CHTF8: variants seen among roughly 807,000 people sequenced by gnomAD.
CHTF8 encodes the protein chromosome transmission fidelity factor 8.
A neutral mutation model predicts 11.0 loss-of-function variants in CHTF8; 6 were observed. The observed-to-expected ratio is 0.55, with a 90% CI of 0.30 to 1.08. The LOEUF is 1.08. CHTF8 is among the 50% of genes least tolerant of loss of function. CHTF8 has a pLI of 0.07. For missense variants in CHTF8, 140 were observed against 153.1 expected (o/e 0.91, Z 0.45); for synonymous variants, 53 against 60.5 (o/e 0.88, Z 0.57).
At position 69,121,081 on chromosome 16, in the gene CHTF8, A is replaced by C. The variant is rs759329610; in HGVS notation, c.113T>G (p.Leu38Arg). 1 of 1,614,072 alleles carries C rather than the reference A, an allele frequency of 6.2e-7. No individual in the cohort carries two copies. The highest frequency in any genetic ancestry group is 8.5e-7 in the Non-Finnish European group (1 of 1,179,998). Reference sequence around the variant, plus strand: ...AGTGGTGTAATGTAGGTCTCCCAGGAGGTTTCCAGCTAATCCAGTGCTGTA... The same window carrying C: ...AGTGGTGTAATGTAGGTCTCCCAGGCGGTTTCCAGCTAATCCAGTGCTGTA... Reference protein sequence around the residue: ...ARYSTGLAGNLLGDLHYTTEG... With the variant: ...ARYSTGLAGNRLGDLHYTTEG... The change falls in exon 3 of 4, where the codon CTC (leucine) becomes CGC (arginine). Residue 38 changes from leucine (L) to arginine (R), a missense_variant. Coordinates refer to ENST00000448552, the MANE Select transcript of CHTF8 (RefSeq NM_001039690.5).
chr16:69,118,147 ATTCCCATCC>A lies in CHTF8; in HGVS notation c.*2269_*2277del. ...CCCCCACCCCCACCCTAATTCCCAT[ATTCCCATCC>A]ACATCAGTTTAAATTTTGAGGTTCT... On this transcript the variant is annotated 3_prime_UTR_variant, in exon 4 of 4. Transcript: ENST00000448552. 1 of 489,840 alleles carries A rather than the reference ATTCCCATCC, an allele frequency of 2.0e-6. No individual in the cohort carries two copies. The highest frequency in any genetic ancestry group is 3.6e-6 in the Non-Finnish European group (1 of 276,190). The allele number at this position is 489,840 out of a possible 1,614,324, so 30.3% of individuals were successfully genotyped here.
In CHTF8 at chr16:69,120,614, C is replaced by G; in HGVS notation, c.177G>C (p.Leu59=). The change falls in exon 4 of 4, where the codon CTG becomes CTC. Residue 59 remains leucine (L), a synonymous_variant. Transcript: ENST00000448552. The surrounding 1 kb of genome is among the most constrained non-coding windows in gnomAD (Gnocchi z 4.0). The part of the protein sequence containing the change: ...IPVLIVGHHI[L]YGKIIHLEKP... ...TCTCCAGGTGGATGATTTTCCCATA[C>G]AGGATATGATGCCCCACGATCAGCA... 6.2e-7 allele frequency: 1 copy of G among 1,613,740 alleles called. No individual in the cohort carries two copies. Among genetic ancestry groups the G allele is most frequent in the Non-Finnish European group, 8.5e-7 (1 of 1,179,702 alleles).
rs780981876 is a variant in CHTF8 at position 69,118,304 on chromosome 16, C to A, written c.*2121G>T. 1.7e-6 allele frequency: 2 copies of A among 1,155,634 alleles called. No individual in the cohort carries two copies. Among genetic ancestry groups the A allele is most frequent in the South Asian group, 1.2e-5 (1 of 81,576 alleles). The allele number at this position is 1,155,634 out of a possible 1,614,324, so 71.6% of individuals were successfully genotyped here. A position where few individuals can be genotyped will look rare whatever the true frequency, so the allele number is the denominator to read the frequency against. On this transcript the variant is annotated 3_prime_UTR_variant, in exon 4 of 4. Coordinates refer to ENST00000448552, the MANE Select transcript of CHTF8 (RefSeq NM_001039690.5). ...CAGTCAGTCAAGCAGAAACTGCATTCGGTGGGTCTTTCTTTGAAGTGGTTG... is the reference window on the plus strand; with the variant it reads ...CAGTCAGTCAAGCAGAAACTGCATTAGGTGGGTCTTTCTTTGAAGTGGTTG...
Position 69,121,543 on chromosome 16 carries a change from A to T in CHTF8, c.-35-50T>A, listed in dbSNP as rs1050371433. The T allele has an allele frequency of 7.2e-6, 8 of 1,107,740 alleles. No individual in the cohort carries two copies. In the African/African-American group the frequency reaches 1.3e-4, roughly 17 times the overall value. 68.6% of individuals were successfully genotyped at this position (1,107,740 alleles called of 1,614,324 possible). On this transcript the variant is annotated intron_variant, in intron 1 of 3. Transcript: ENST00000448552. ...AGGGTAATAACAACAACAACTAATA[A>T]TGACACCTAATGCAACCTCCACCTC...
intron 1 of CHTF8, among the ~76,000 whole-genome samples, chr16:69,123,854 A>G (rs1022217536): frequency 6.6e-6 from 1 of 151,582 alleles, no homozygotes; most frequent in Non-Finnish European, 1.5e-5. Flanking sequence ...TTGGGAGACC[A>G]AAGTGGGTGG....
Position 69,119,908 on chromosome 16 carries a change from C to A in CHTF8, c.*517G>T. 1.4e-6 allele frequency: 1 copy of A among 702,458 alleles called. No individual in the cohort carries two copies. Among genetic ancestry groups the A allele is most frequent in the Non-Finnish European group, 2.6e-6 (1 of 384,988 alleles). 43.5% of individuals were successfully genotyped at this position (702,458 alleles called of 1,614,324 possible). Reference sequence around the variant, plus strand: ...TCCAGATCCAGGGCCCATGGGACCACCACCTCTGGGGTCAGGACCTGCTCC... The same window carrying A: ...TCCAGATCCAGGGCCCATGGGACCAACACCTCTGGGGTCAGGACCTGCTCC... On this transcript the variant is annotated 3_prime_UTR_variant, in exon 4 of 4. Coordinates refer to ENST00000448552, the MANE Select transcript of CHTF8 (RefSeq NM_001039690.5).
rs1303859960 is a variant in CHTF8, at chr16:69,118,209, G to A, written c.*2216C>T. The A allele has an allele frequency of 3.5e-6, 2 of 570,678 alleles. No homozygotes were observed. Among genetic ancestry groups the A allele is most frequent in the Non-Finnish European group, 6.5e-6 (2 of 309,796 alleles). The allele number at this position is 570,678 out of a possible 1,614,324, so 35.4% of individuals were successfully genotyped here. A position where few individuals can be genotyped will look rare whatever the true frequency, so the allele number is the denominator to read the frequency against. On this transcript the variant is annotated 3_prime_UTR_variant, in exon 4 of 4. Coordinates refer to ENST00000448552, the MANE Select transcript of CHTF8 (RefSeq NM_001039690.5). ...GATTGATTGGGAGTACCAGTGAAGA[G>A]GGAGTTGGATGAGTAGAGGGGCCTT...
chr16:69,130,599 C>G (rs1007287481), intron 1 of CHTF8, among the ~76,000 whole-genome samples: 1 of 152,156 alleles, frequency 6.6e-6, no homozygotes, highest in Non-Finnish European at 1.5e-5. Context: ...GTTTTCCTAA[C>G]AATACACTGG....
chr16:69,124,307 T>C (rs1217785257), intron 1 of CHTF8, among the ~76,000 whole-genome samples: 1 of 152,176 alleles, frequency 6.6e-6, no homozygotes, highest in Non-Finnish European at 1.5e-5. Flanking sequence ...TGTCAATGTA[T>C]TATGCAGTTT....
chr16:69,122,582 C>G (rs1291394591), intron 1 of CHTF8, among the ~76,000 whole-genome samples: 3 of 151,074 alleles, frequency 2.0e-5, no homozygotes, highest in African/African-American at 7.3e-5. Context: ...ACTGTGTCAC[C>G]CAGGCTGGAG....
intron 1 of CHTF8, among the ~76,000 whole-genome samples, chr16:69,130,569 T>C (rs1962425297): frequency 6.6e-6 from 1 of 152,212 alleles, no homozygotes; most frequent in Non-Finnish European, 1.5e-5. Context: ...TATGTGACAG[T>C]GGGTAGTTTA....
intron 1 of CHTF8, among the ~76,000 whole-genome samples, chr16:69,122,218 T>C (rs1476341480): frequency 6.6e-6 from 1 of 152,162 alleles, no homozygotes; most frequent in African/African-American, 2.4e-5. Context: ...TGAGATAGGG[T>C]TGCTTAAAAT....
intron 1 of CHTF8, among the ~76,000 whole-genome samples, chr16:69,127,705 G>A (rs1458038109): frequency 6.7e-6 from 1 of 150,262 alleles, no homozygotes; most frequent in Non-Finnish European, 1.5e-5. Flanking sequence ...TGTCTCCCAG[G>A]TTCAAGTGAT....
intron 1 of CHTF8, among the ~76,000 whole-genome samples, chr16:69,127,223 G>C (rs1444001631): frequency 6.8e-6 from 1 of 148,082 alleles, no homozygotes; most frequent in African/African-American, 2.5e-5. Context: ...GGGCAACAAA[G>C]AGCAAAACTC....
In CHTF8 at chr16:69,119,835, G is replaced by A. The variant is rs1314563978; in HGVS notation, c.*590C>T. On this transcript the variant is annotated 3_prime_UTR_variant, in exon 4 of 4. Transcript: ENST00000448552. ...GGCCCAGGCCAACTGGCCTAGGATT[G>A]GGAGGACCATTCCCAGAGGTTAACA... 1 of 701,286 alleles carries A rather than the reference G, an allele frequency of 1.4e-6. No individual in the cohort carries two copies. The highest frequency in any genetic ancestry group is 2.0e-5 in the Admixed American group (1 of 50,020). 43.4% of individuals were successfully genotyped at this position (701,286 alleles called of 1,614,324 possible). A position where few individuals can be genotyped will look rare whatever the true frequency, so the allele number is the denominator to read the frequency against.
At chr16:69,121,022 G>A (rs374980205) in intron 3 of CHTF8, 31 bp downstream of exon 3, 25 of 1,573,538 alleles carry the variant, frequency 1.6e-5, no homozygotes, top group Non-Finnish European at 1.9e-5. Context: ...CTTTCCTGAG[G>A]CATTAGGCAG....
rs1167111517 is a variant in CHTF8, at chr16:69,121,055, C to T, written c.139G>A (p.Glu47Lys). Residue 47 changes from glutamate (E) to lysine (K), a missense_variant and splice_region_variant, in exon 3 of 4, where the codon GAG (glutamate) becomes AAG (lysine). Physicochemically the swap from Glu to Lys is moderately conservative, Grantham distance 56. Transcript: ENST00000448552. ...NLLGDLHYTT[E>K]GIPVLIVGHH... Reference sequence around the variant, plus strand: ...CAGGGAAAGAAAAGCCCCCTCACCTCAGTGGTGTAATGTAGGTCTCCCAGG... The same window carrying T: ...CAGGGAAAGAAAAGCCCCCTCACCTTAGTGGTGTAATGTAGGTCTCCCAGG... 1 of 1,613,230 alleles carries T rather than the reference C, an allele frequency of 6.2e-7. No homozygotes were observed. The highest frequency in any genetic ancestry group is 1.3e-5 in the African/African-American group (1 of 75,032).
At chr16:69,129,429 CAAAAAA>C (rs11420871) in intron 1 of CHTF8, among the ~76,000 whole-genome samples, 5 of 75,598 alleles carry the variant, frequency 6.6e-5, no homozygotes, top group Admixed American at 1.5e-4. Context: ...GACTCCGTCA[CAAAAAA>C]AAAAAAAAAA....
rs1445549675 is a variant in CHTF8 at position 69,119,609 on chromosome 16, C to T, written c.*816G>A. ...GCTGCTCTTAGAATGGGGGCAAGAT[C>T]GAGGCCTTGAGGTCCAGCCATTCTT... is the stretch of plus-strand genomic sequence containing the variant. On this transcript the variant is annotated 3_prime_UTR_variant, in exon 4 of 4. Coordinates refer to ENST00000448552, the MANE Select transcript of CHTF8 (RefSeq NM_001039690.5). 9 of 697,572 alleles carry T rather than the reference C, an allele frequency of 1.3e-5. No individual in the cohort carries two copies. The highest frequency in any genetic ancestry group is 2.3e-4 in the Middle Eastern group (1 of 4,362). 43.2% of individuals were successfully genotyped at this position (697,572 alleles called of 1,614,324 possible).
Sources: gnomAD v4.1 joint callset for allele counts (sites outside exome capture counted in the v4.1 genomes callset) on GRCh38, gnomAD v4.1.1 for gene constraint, Gnocchi (gnomAD v3.1) non-coding constraint, MANE v1.5 for transcripts, NCBI Gene and HGNC (gene_info 2026-07-23, HGNC 2026-07-21) for gene names.